DBF4: variants seen among roughly 807,000 people sequenced by gnomAD.
The protein encoded by DBF4 is DBF4-CDC7 kinase regulatory subunit, also known as protein DBF4 homolog A.
A neutral mutation model predicts 76.6 loss-of-function variants in DBF4; 25 were observed. That is an observed-to-expected ratio of 0.33 (90% CI 0.24 to 0.46). The LOEUF (loss-of-function observed/expected upper bound fraction) is 0.46, where lower values mean the gene tolerates loss of function less well. DBF4 is among the 20% of genes least tolerant of loss of function. DBF4 has a pLI of 1.00. For missense variants in DBF4, 638 were observed against 760.8 expected (o/e 0.84, Z 1.90); for synonymous variants, 213 against 258.0 (o/e 0.83, Z 1.67).
chr7:87,907,025 A>G (rs1322174603), intron 11 of DBF4, among the ~76,000 whole-genome samples, 163 bp from the exon 12 acceptor site: 1 of 152,152 alleles, frequency 6.6e-6, no homozygotes, highest in Non-Finnish European at 1.5e-5. Flanking sequence ...AGCTCAAGTA[A>G]ATTTGGCAAA....
At chr7:87,890,236 C>T (rs187960261) in intron 6 of DBF4, among the ~76,000 whole-genome samples, 1 of 152,062 alleles carries the variant, frequency 6.6e-6, no homozygotes, top group Non-Finnish European at 1.5e-5. Context: ...TCACAGTTTG[C>T]AGTTTAAAAA....
intron 6 of DBF4, chr7:87,888,409 T>C: frequency 1.3e-6 from 1 of 790,370 alleles, no homozygotes; most frequent in Non-Finnish European, 1.5e-6. Context: ...ATATGTACTA[T>C]CCTTTTCAAC....
intron 11 of DBF4, among the ~76,000 whole-genome samples, chr7:87,905,130 T>C (rs1839887957): frequency 6.6e-6 from 1 of 152,212 alleles, no homozygotes; most frequent in Admixed American, 6.5e-5. Context: ...AGTCTCATTC[T>C]TGACACTGTA....
intron 1 of DBF4, 143 bp from the exon 2 acceptor site, chr7:87,877,910 A>G (rs1839110005): frequency 3.0e-6 from 2 of 673,146 alleles, no homozygotes; most frequent in Admixed American, 3.3e-5. Context: ...CCTAAGTAGT[A>G]CTACAAAGAA....
chr7:87,883,808 A>G (rs567637126), intron 2 of DBF4, among the ~76,000 whole-genome samples: 52 of 152,306 alleles, frequency 3.4e-4, no homozygotes, highest in African/African-American at 1.1e-3. Context: ...AAATATTCTG[A>G]GAAGTCTTTC....
intron 2 of DBF4, among the ~76,000 whole-genome samples, chr7:87,879,044 G>A (rs1839143197): frequency 6.6e-6 from 1 of 152,178 alleles, no homozygotes; most frequent in Non-Finnish European, 1.5e-5. Context: ...TCAGGTTCAA[G>A]TGATTCTTGT....
At chr7:87,876,814 T>G in intron 1 of DBF4, 36 bp downstream of exon 1, 1 of 1,609,426 alleles carries the variant, frequency 6.2e-7, no homozygotes, top group Non-Finnish European at 8.5e-7. Context: ...GTCCCTTTAA[T>G]CCTTTCCTCC....
chr7:87,904,768 ATATTAAAC>A (rs1468127623), intron 11 of DBF4, among the ~76,000 whole-genome samples: 5 of 152,124 alleles, frequency 3.3e-5, no homozygotes, highest in Non-Finnish European at 7.4e-5. Context: ...TTATACTAGA[ATATTAAAC>A]TATTAAACTA....
At chr7:87,896,861 G>A (rs1438322683) in intron 7 of DBF4, among the ~76,000 whole-genome samples, 7 of 152,168 alleles carry the variant, frequency 4.6e-5, no homozygotes, top group African/African-American at 1.7e-4. Flanking sequence ...ATTGATAAGC[G>A]TAAACAATGC....
In DBF4 at chr7:87,878,110, A is replaced by G. The variant is rs757353173; in HGVS notation, c.104A>G (p.Asp35Gly). The stretch of plus-strand genomic sequence containing the variant: ...CCATCTCTGAAATCTCTGAAAACTG[A>G]TAACAGGCCAGAAAAATCCAAATGT... ...NRPSLKSLKT[D>G]NRPEKSKCKP... is the part of the protein sequence containing the mutation. Residue 35 changes from aspartate to glycine, a missense_variant, in exon 2 of 12, where the codon GAT becomes GGT. Coordinates refer to ENST00000265728, the MANE Select transcript of DBF4 (RefSeq NM_006716.4). 21 of 1,612,146 alleles carry G rather than the reference A, an allele frequency of 1.3e-5. No individual in the cohort carries two copies. Among genetic ancestry groups the G allele is most frequent in the Non-Finnish European group, 1.6e-5 (19 of 1,179,684 alleles).
In DBF4 at chr7:87,900,335, T is replaced by C. The variant is rs759936933; in HGVS notation, c.795T>C (p.Thr265=). ...AGCCATCTAGTATGCAAAAGCAAAC[T>C]CAGGTTAAACTAAGGTTGGTTTGAA... ...VDKPSSMQKQ[T]QVKLRIQTDG... is the part of the protein sequence containing the mutation. The change falls in exon 9 of 12, where the codon ACT becomes ACC. Residue 265 remains threonine (T), a synonymous_variant. Coordinates refer to ENST00000265728, the MANE Select transcript of DBF4 (RefSeq NM_006716.4). 10 of 1,590,200 alleles carry C rather than the reference T, an allele frequency of 6.3e-6. No individual in the cohort carries two copies. The African/African-American group carries it at 1.3e-4, about 20-fold the overall frequency.
intron 11 of DBF4, among the ~76,000 whole-genome samples, chr7:87,905,284 T>C (rs1839890783): frequency 6.6e-6 from 1 of 152,244 alleles, no homozygotes; most frequent in African/African-American, 2.4e-5. Context: ...GCAATTTTAT[T>C]TGGAAAAATA....
At chr7:87,903,689 CTTTTTT>C (rs56740998) in intron 10 of DBF4, among the ~76,000 whole-genome samples, 22 of 98,102 alleles carry the variant, frequency 2.2e-4, no homozygotes, top group African/African-American at 4.8e-4. Flanking sequence ...CTCTGTATCC[CTTTTTT>C]TTTTTTTTTT....
In DBF4 at chr7:87,878,114, C is replaced by G; in HGVS notation, c.108C>G (p.Asn36Lys). The change falls in exon 2 of 12, where the codon AAC (asparagine) becomes AAG (lysine). Residue 36 changes from asparagine (N) to lysine (K), a missense_variant. Physicochemically the swap from Asn to Lys is moderately conservative, Grantham distance 94 (BLOSUM62 0). Coordinates refer to ENST00000265728, the MANE Select transcript of DBF4 (RefSeq NM_006716.4). ...CTCTGAAATCTCTGAAAACTGATAACAGGCCAGAAAAATCCAAATGTAAGC... is the reference window on the plus strand; with the variant it reads ...CTCTGAAATCTCTGAAAACTGATAAGAGGCCAGAAAAATCCAAATGTAAGC... ...RPSLKSLKTD[N>K]RPEKSKCKPL... The G allele has an allele frequency of 6.2e-7, 1 of 1,611,792 alleles. No homozygotes were observed. The highest frequency in any genetic ancestry group is 1.1e-5 in the South Asian group (1 of 90,854).
intron 2 of DBF4, among the ~76,000 whole-genome samples, chr7:87,879,648 A>G (rs1440412518): frequency 1.3e-5 from 2 of 152,174 alleles, no homozygotes; most frequent in South Asian, 2.1e-4. Context: ...CTGTTCCTCT[A>G]GCAATCAATG....
At position 87,900,102 on chromosome 7, in the gene DBF4, G is replaced by T. The variant is rs902802472; in HGVS notation, c.681-119G>T. 22 of 854,892 alleles carry T rather than the reference G, an allele frequency of 2.6e-5. No individual in the cohort carries two copies. The African/African-American group carries it at 3.8e-4, about 15-fold the overall frequency. 53.0% of individuals were successfully genotyped at this position (854,892 alleles called of 1,614,324 possible). A position where few individuals can be genotyped will look rare whatever the true frequency, so the allele number is the denominator to read the frequency against. ...CCTGAAATTGATTTTTTGAAGGAAA[G>T]CCTAAATAATTTGTTATTTCAGATT... is the stretch of plus-strand genomic sequence containing the variant. On this transcript the variant is annotated intron_variant, in intron 8 of 11. Transcript: ENST00000265728.
chr7:87,876,728 C>T lies in DBF4; in HGVS notation c.-5C>T. On this transcript the variant is annotated 5_prime_UTR_variant, in exon 1 of 12. Coordinates refer to ENST00000265728, the MANE Select transcript of DBF4 (RefSeq NM_006716.4). ...GACCCAGCATGTAGGTGCCGGGCGA[C>T]TGCCATGAACTCCGGAGCCATGAGG... The T allele has an allele frequency of 6.2e-7, 1 of 1,614,172 alleles. No individual in the cohort carries two copies.
At position 87,893,261 on chromosome 7, in the gene DBF4, C is replaced by A. The variant is rs62489876; in HGVS notation, c.598-3213C>A. Among the ~76,000 whole-genome samples the A allele has an allele frequency of 2.9e-4, 37 of 129,584 alleles. No individual in the cohort carries two copies. The South Asian group carries it at 8.9e-3, about 31-fold the overall frequency. 85.0% of individuals were successfully genotyped at this position (129,584 alleles called of 152,430 possible). ...CTTTTTTTTTTTTTTTTTTTTGAGA[C>A]GGAGTCTCGCTCTGTCGCCCAGGCC... is the stretch of plus-strand genomic sequence containing the variant. On this transcript the variant is annotated intron_variant, in intron 6 of 11. Transcript: ENST00000265728.
chr7:87,909,337 T>A lies in DBF4; in HGVS notation c.*1174T>A, dbSNP rs1225269445. On this transcript the variant is annotated 3_prime_UTR_variant, in exon 12 of 12. Coordinates refer to ENST00000265728, the MANE Select transcript of DBF4 (RefSeq NM_006716.4). ...ACATTCAATTGGTTCTATTGCATAG[T>A]ACATGAATCTATTGTCACTAAAAAT... The A allele has an allele frequency of 6.6e-6, 1 of 152,230 alleles. No homozygotes were observed. Among genetic ancestry groups the A allele is most frequent in the Non-Finnish European group, 1.5e-5 (1 of 68,032 alleles). 9.4% of individuals were successfully genotyped at this position (152,230 alleles called of 1,614,324 possible). A position where few individuals can be genotyped will look rare whatever the true frequency, so the allele number is the denominator to read the frequency against.
Sources: gnomAD v4.1 joint callset for allele counts (sites outside exome capture counted in the v4.1 genomes callset) on GRCh38, gnomAD v4.1.1 for gene constraint, MANE v1.5 for transcripts, NCBI Gene and HGNC (gene_info 2026-07-23, HGNC 2026-07-21) for gene names.